Variants in ACADSB observed in about 807,000 individuals in gnomAD.
ACADSB encodes short/branched chain specific acyl-CoA dehydrogenase, mitochondrial.
A neutral mutation model predicts 54.1 loss-of-function variants in ACADSB; 40 were observed. That is an observed-to-expected ratio of 0.74 (90% CI 0.57 to 0.96). The LOEUF (loss-of-function observed/expected upper bound fraction) is 0.96, where lower values mean the gene tolerates loss of function less well. Ranked by LOEUF, ACADSB falls within the 40% of genes least tolerant of loss-of-function variation. ACADSB has a pLI of 0.00. For missense variants in ACADSB, 530 were observed against 510.4 expected (o/e 1.04, Z -0.37); for synonymous variants, 182 against 182.8 (o/e 1.00, Z 0.03).
chr10:123,035,236 G>T (rs180965705), intron 2 of ACADSB, among the ~76,000 whole-genome samples: 2 of 152,140 alleles, frequency 1.3e-5, no homozygotes, highest in East Asian at 1.9e-4. Context: ...GATTACAGGC[G>T]TGAGCCACCA....
intron 1 of ACADSB, among the ~76,000 whole-genome samples, chr10:123,023,615 C>CG (rs1850211546): frequency 6.6e-6 from 1 of 152,094 alleles, no homozygotes; most frequent in African/African-American, 2.4e-5. Flanking sequence ...ACCAAAACTG[C>CG]GGGTAAAGCA....
chr10:123,042,512 G>A (rs1488054447), intron 5 of ACADSB, among the ~76,000 whole-genome samples: 1 of 138,236 alleles, frequency 7.2e-6, no homozygotes, highest in Admixed American at 7.9e-5. Flanking sequence ...CTAGACTGGA[G>A]TGCAAGGCTG....
intron 1 of ACADSB, among the ~76,000 whole-genome samples, chr10:123,020,152 C>G (rs1850165243): frequency 6.6e-6 from 1 of 152,032 alleles, no homozygotes; most frequent in Admixed American, 6.5e-5. Flanking sequence ...GTTTATATAC[C>G]TACCTTAGGT....
rs1300081382 is a variant in ACADSB, at chr10:123,022,003, T to TA, written c.43-12346dup. 1.4e-4 allele frequency among the ~76,000 whole-genome samples: 21 copies of TA among 152,040 alleles called. 1 individual carries two copies. Among genetic ancestry groups the TA allele is most frequent in the African/African-American group, 5.1e-4 (21 of 41,498 alleles). ...TAACTCAGTCAACTGTGAAGAGAAT[T>TA]AAAAAAAGCTTCTTTCCAGCAAAAC... On this transcript the variant is annotated intron_variant, in intron 1 of 10. Coordinates refer to ENST00000358776, the MANE Select transcript of ACADSB (RefSeq NM_001609.4).
chr10:123,011,391 C>T (rs1247038855), intron 1 of ACADSB, among the ~76,000 whole-genome samples: 1 of 152,218 alleles, frequency 6.6e-6, no homozygotes, highest in African/African-American at 2.4e-5. Flanking sequence ...CTACCCCTGC[C>T]TTCTCAGAAG....
Position 123,041,209 on chromosome 10 carries a change from G to C in ACADSB, c.511G>C (p.Val171Leu). ...TYLPQLTTEKVGSFCLSEAGA... is the reference protein window; with the variant it reads ...TYLPQLTTEKLGSFCLSEAGA... ...GGACATTTTTTTCTCCCATATGTAG[G>C]TAGGAAGTTTCTGCCTTTCAGAGGC... is the stretch of plus-strand genomic sequence containing the variant. The change falls in exon 5 of 11, where the codon GTA becomes CTA. Residue 171 changes from valine to leucine, a missense_variant and splice_region_variant. Physicochemically the swap from Val to Leu is conservative, Grantham distance 32 (BLOSUM62 1). Coordinates refer to ENST00000358776, the MANE Select transcript of ACADSB (RefSeq NM_001609.4). 1 of 1,614,080 alleles carries C rather than the reference G, an allele frequency of 6.2e-7. No individual in the cohort carries two copies. The highest frequency in any genetic ancestry group is 1.3e-5 in the African/African-American group (1 of 75,008).
At chr10:123,036,763 A>G (rs532859701) in intron 2 of ACADSB, among the ~76,000 whole-genome samples, 15 of 152,296 alleles carry the variant, frequency 9.8e-5, no homozygotes, top group Admixed American at 5.2e-4. Flanking sequence ...GCAGTCAGGA[A>G]AGGCTTCCCA....
intron 3 of ACADSB, among the ~76,000 whole-genome samples, chr10:123,038,170 C>G (rs891224934): frequency 3.9e-5 from 6 of 152,194 alleles, no homozygotes; most frequent in Admixed American, 2.6e-4. Flanking sequence ...GTTGCCACAG[C>G]TAAGGCGTGC....
chr10:123,039,877 C>T (rs1564751254), intron 3 of ACADSB, among the ~76,000 whole-genome samples: 1 of 152,136 alleles, frequency 6.6e-6, no homozygotes, highest in Non-Finnish European at 1.5e-5. Flanking sequence ...CATTAAGCTA[C>T]CCTTTAAAGC....
intron 1 of ACADSB, among the ~76,000 whole-genome samples, chr10:123,016,977 C>T (rs1308292965): frequency 6.6e-6 from 1 of 152,096 alleles, no homozygotes; most frequent in Non-Finnish European, 1.5e-5. Context: ...ATGCTCCCTT[C>T]ACTCAATTTG....
chr10:123,034,538 C>A (rs1850371721), intron 2 of ACADSB, 23 bp downstream of exon 2: 1 of 1,597,510 alleles, frequency 6.3e-7, no homozygotes, highest in South Asian at 1.1e-5. Flanking sequence ...ATCAGTGTCA[C>A]CTTTTTCTCC....
In ACADSB at chr10:123,041,188, ATT is replaced by A; in HGVS notation, c.511-15_511-14del. ...TATAAATACAGTTATTAATTTGGAC[ATT>A]TTTTTCTCCCATATGTAGGTAGGAA... On this transcript the variant is annotated intron_variant, in intron 4 of 10. Coordinates refer to ENST00000358776, the MANE Select transcript of ACADSB (RefSeq NM_001609.4). 6.2e-7 allele frequency: 1 copy of A among 1,613,220 alleles called. No homozygotes were observed. Among genetic ancestry groups the A allele is most frequent in the South Asian group, 1.1e-5 (1 of 91,050 alleles).
intron 1 of ACADSB, among the ~76,000 whole-genome samples, chr10:123,032,714 C>T (rs1373613955): frequency 2.0e-5 from 3 of 151,800 alleles, no homozygotes; most frequent in Non-Finnish European, 4.4e-5. Flanking sequence ...CTCCACCTCC[C>T]GAGTAGCTGG....
intron 1 of ACADSB, among the ~76,000 whole-genome samples, chr10:123,028,626 G>T (rs1472776937): frequency 6.6e-6 from 1 of 152,160 alleles, no homozygotes; most frequent in Non-Finnish European, 1.5e-5. Flanking sequence ...TCCTGCCATT[G>T]CACTCCATCC....
chr10:123,039,567 C>A (rs1850444452), intron 3 of ACADSB, among the ~76,000 whole-genome samples: 1 of 152,204 alleles, frequency 6.6e-6, no homozygotes, highest in Non-Finnish European at 1.5e-5. Context: ...AACACCACCA[C>A]ATGTTCTCTG....
intron 6 of ACADSB, among the ~76,000 whole-genome samples, chr10:123,043,494 G>T (rs1226090470): frequency 6.6e-6 from 1 of 152,220 alleles, no homozygotes; most frequent in African/African-American, 2.4e-5. Context: ...CGCAGAGAAG[G>T]AAGTCTGGTG....
At chr10:123,011,468 G>A (rs1326221827) in intron 1 of ACADSB, among the ~76,000 whole-genome samples, 1 of 152,032 alleles carries the variant, frequency 6.6e-6, no homozygotes, top group Non-Finnish European at 1.5e-5. Context: ...CCCAATTAGT[G>A]GAGAATTGGA....
intron 1 of ACADSB, among the ~76,000 whole-genome samples, chr10:123,009,816 T>C (rs765688565): frequency 9.9e-5 from 15 of 152,250 alleles, no homozygotes; most frequent in Non-Finnish European, 1.9e-4. Flanking sequence ...TCTTCACCCC[T>C]TGGACCTATT....
intron 1 of ACADSB, among the ~76,000 whole-genome samples, chr10:123,015,855 C>G (rs1340397575): frequency 6.6e-6 from 1 of 152,200 alleles, no homozygotes; most frequent in Non-Finnish European, 1.5e-5. Flanking sequence ...CCACATCCCA[C>G]TTAGACCATT....
Sources: gnomAD v4.1 joint callset for allele counts (sites outside exome capture counted in the v4.1 genomes callset) on GRCh38, gnomAD v4.1.1 for gene constraint, MANE v1.5 for transcripts, NCBI Gene and HGNC (gene_info 2026-07-23, HGNC 2026-07-21) for gene names.